KIF1B: variants seen among roughly 807,000 people sequenced by gnomAD.
The protein encoded by KIF1B is kinesin-like protein KIF1B.
A neutral mutation model predicts 241.9 loss-of-function variants in KIF1B; 76 were observed. That is an observed-to-expected ratio of 0.31 (90% CI 0.26 to 0.38). The LOEUF is 0.38. Ranked by LOEUF, KIF1B falls within the 10% of genes least tolerant of loss-of-function variation. KIF1B has a pLI of 1.00. For synonymous variants in KIF1B, 750 were observed against 796.7 expected, an observed-to-expected ratio of 0.94 and a Z score of 0.99; for missense variants, 1,622 against 2,271.4, an observed-to-expected ratio of 0.71 and a Z score of 5.81.
chr1:10,282,216 T>C, intron 14 of KIF1B, 106 bp from the exon 15 acceptor site: 3 of 899,594 alleles, frequency 3.3e-6, no homozygotes, highest in Non-Finnish European at 1.7e-6. Flanking sequence ...CTTGGCGCTT[T>C]AATGCTGTCC....
Position 10,365,389 on chromosome 1 carries a change from A to C in KIF1B, c.4513-20A>C. 6.2e-7 allele frequency: 1 copy of C among 1,614,064 alleles called. No individual in the cohort carries two copies. The highest frequency in any genetic ancestry group is 8.5e-7 in the Non-Finnish European group (1 of 1,180,002). On this transcript the variant is annotated intron_variant, in intron 42 of 48. Transcript: ENST00000676179. This position sits in a 1 kb window ranked among gnomAD's most constrained non-coding sequence, Gnocchi z 4.0. Reference sequence around the variant, plus strand: ...TAACGAGCTTTGTGTTTGCTATAGCAGTAGTATTGATCTTCTCAGGTGGAA... The same window carrying C: ...TAACGAGCTTTGTGTTTGCTATAGCCGTAGTATTGATCTTCTCAGGTGGAA...
chr1:10,303,355 A>G lies in KIF1B; in HGVS notation c.2115+6109A>G. 5 of 1,614,228 alleles carry G rather than the reference A, an allele frequency of 3.1e-6. No individual in the cohort carries two copies. The highest frequency in any genetic ancestry group is 4.2e-6 in the Non-Finnish European group (5 of 1,180,034). ...TCAGATACCCCAAAGAAGGCGCTTG[A>G]GTAAAGATTCCAAGTGGGTCACAAT... On this transcript the variant is annotated intron_variant, in intron 22 of 48. Transcript: ENST00000676179. This position sits in a 1 kb window ranked among gnomAD's most constrained non-coding sequence, Gnocchi z 5.2.
At chr1:10,243,771 C>T (rs936031423) in intron 2 of KIF1B, among the ~76,000 whole-genome samples, 1 of 152,102 alleles carries the variant, frequency 6.6e-6, no homozygotes, top group Admixed American at 6.6e-5. Context: ...TTGAATTTAA[C>T]TTAGATTAAA....
intron 1 of KIF1B, among the ~76,000 whole-genome samples, chr1:10,216,765 A>G (rs1646772105): frequency 6.6e-6 from 1 of 151,960 alleles, no homozygotes; most frequent in Non-Finnish European, 1.5e-5. Context: ...CTCATAGGAA[A>G]AAAGGGCATG....
intron 8 of KIF1B, among the ~76,000 whole-genome samples, chr1:10,271,893 T>C (rs76830615): frequency 0.019 from 2,854 of 152,274 alleles, 40 homozygotes; most frequent in Non-Finnish European, 0.028. Context: ...AAGGAACAGG[T>C]AGAATTTGGC....
intron 1 of KIF1B, among the ~76,000 whole-genome samples, chr1:10,215,162 ATATATATATATTTTTTT>A (rs1304825557): frequency 2.8e-5 from 2 of 71,204 alleles, no homozygotes; most frequent in Admixed American, 1.3e-4. Flanking sequence ...ATATATATAT[ATATATATATATTTTTTT>A]TTTTTTTTTT....
intron 12 of KIF1B, among the ~76,000 whole-genome samples, 173 bp downstream of exon 12, chr1:10,276,572 A>G (rs900467085): frequency 2.0e-5 from 3 of 152,002 alleles, no homozygotes; most frequent in Admixed American, 2.0e-4. Flanking sequence ...AATAGAATTT[A>G]CCTCTTTATG....
chr1:10,275,348 G>A (rs1013185256), intron 10 of KIF1B, 80 bp from the exon 11 acceptor site: 3 of 784,140 alleles, frequency 3.8e-6, no homozygotes, highest in Non-Finnish European at 6.9e-6. Context: ...ATTTACTTGG[G>A]AATTTTAGAC....
intron 24 of KIF1B, among the ~76,000 whole-genome samples, chr1:10,322,270 G>A (rs1160268066): frequency 6.6e-6 from 1 of 152,106 alleles, no homozygotes; most frequent in Admixed American, 6.6e-5. Context: ...GCTGTGTAGT[G>A]GACAAGCACA....
intron 22 of KIF1B, among the ~76,000 whole-genome samples, chr1:10,313,691 C>T (rs1183071157): frequency 6.7e-6 from 1 of 149,906 alleles, no homozygotes. Flanking sequence ...GCTGGGACTA[C>T]AGGTGCCCAC....
At chr1:10,231,491 A>G (rs904228813) in intron 1 of KIF1B, among the ~76,000 whole-genome samples, 12 of 150,198 alleles carry the variant, frequency 8.0e-5, no homozygotes, top group African/African-American at 2.2e-4. Context: ...GGTTCAAGCA[A>G]TTCTCCTGCC....
In KIF1B at chr1:10,282,428, A is replaced by G. The variant is rs775205317; in HGVS notation, c.1329A>G (p.Pro443=). 25 of 1,614,038 alleles carry G rather than the reference A, an allele frequency of 1.5e-5. No homozygotes were observed. The highest frequency in any genetic ancestry group is 2.0e-5 in the Non-Finnish European group (24 of 1,180,028). ...CCATGGGGTCCCTCACTTCATCCCC[A>G]TCTTCCTGCTCACTCAGTAGTCAGG... is the stretch of plus-strand genomic sequence containing the variant. ...TASMGSLTSS[P]SSCSLSSQVG... The change falls in exon 15 of 49, where the codon CCA becomes CCG. Residue 443 remains proline (P), a synonymous_variant. Transcript: ENST00000676179.
rs1652547736 is a variant in KIF1B, at chr1:10,345,251, T to G, written c.3689-594T>G. ...CTGTATTTATAAATGATACCAGTAG[T>G]TGGTTTCCAACTTTGTCCTCACATT... On this transcript the variant is annotated intron_variant, in intron 34 of 48. Transcript: ENST00000676179. Among the ~76,000 whole-genome samples the G allele has an allele frequency of 4.6e-5, 7 of 152,236 alleles. 1 individual carries two copies. Among genetic ancestry groups the G allele is most frequent in the Admixed American group, 4.6e-4 (7 of 15,284 alleles).
chr1:10,351,425 C>T (rs557932837), intron 37 of KIF1B, among the ~76,000 whole-genome samples: 64 of 152,146 alleles, frequency 4.2e-4, no homozygotes, highest in African/African-American at 1.5e-3. Context: ...CTGAATGCTC[C>T]AAAAATACTA....
intron 27 of KIF1B, among the ~76,000 whole-genome samples, chr1:10,331,826 G>C (rs1341047046): frequency 6.6e-6 from 1 of 152,096 alleles, no homozygotes; most frequent in East Asian, 1.9e-4. Flanking sequence ...TTCACTAATT[G>C]GAATGAACAC....
intron 29 of KIF1B, 99 bp from the exon 30 acceptor site, chr1:10,336,975 C>T: frequency 1.3e-6 from 2 of 1,505,626 alleles, no homozygotes; most frequent in East Asian, 4.5e-5. Context: ...ATTTTCCAGT[C>T]ACTATTATTT....
chr1:10,312,711 G>C (rs1379613155), intron 22 of KIF1B, among the ~76,000 whole-genome samples: 1 of 151,546 alleles, frequency 6.6e-6, no homozygotes, highest in Admixed American at 6.6e-5. Flanking sequence ...ACCTCTGCCT[G>C]CTTAACCTAC....
chr1:10,365,549 C>T lies in KIF1B; in HGVS notation c.4653C>T (p.Thr1551=), dbSNP rs778651184. ...TSTSISSQIS[T]TTFESAITPS... ...CCAGTATCTCCTCTCAGATCTCAAC[C>T]ACTACCTTTGAAAGCGCCATCACAC... The change falls in exon 43 of 49, where the codon ACC becomes ACT. Residue 1551 remains threonine, a synonymous_variant. Coordinates refer to ENST00000676179, the MANE Select transcript of KIF1B (RefSeq NM_001365951.3). The surrounding 1 kb of genome is among the most constrained non-coding windows in gnomAD (Gnocchi z 4.0). 1.4e-5 allele frequency: 23 copies of T among 1,614,122 alleles called. No individual in the cohort carries two copies. The highest frequency in any genetic ancestry group is 1.9e-5 in the Non-Finnish European group (23 of 1,180,022).
intron 48 of KIF1B, among the ~76,000 whole-genome samples, chr1:10,376,165 G>T (rs149877654): frequency 3.9e-5 from 6 of 152,262 alleles, no homozygotes; most frequent in Non-Finnish European, 8.8e-5. Flanking sequence ...TAAATTGGTT[G>T]TGGGGTGGTA....
Sources: gnomAD v4.1 joint callset for allele counts (sites outside exome capture counted in the v4.1 genomes callset) on GRCh38, gnomAD v4.1.1 for gene constraint, Gnocchi (gnomAD v3.1) non-coding constraint, MANE v1.5 for transcripts, NCBI Gene and HGNC (gene_info 2026-07-23, HGNC 2026-07-21) for gene names.